Variants in SLC6A6 observed in about 807,000 individuals in gnomAD.
SLC6A6 encodes sodium- and chloride-dependent taurine transporter.
In SLC6A6, 16 loss-of-function variants were observed where a neutral mutation model predicts 68.8. That is an observed-to-expected ratio of 0.23 (90% CI 0.16 to 0.35). The LOEUF (loss-of-function observed/expected upper bound fraction) is 0.35, where lower values mean the gene tolerates loss of function less well. Ranked by LOEUF, SLC6A6 falls within the 10% of genes least tolerant of loss-of-function variation. SLC6A6 has a pLI of 1.00. For synonymous variants in SLC6A6, 312 were observed against 315.4 expected (o/e 0.99, Z 0.12); for missense variants, 474 against 802.8 (o/e 0.59, Z 4.95).
chr3:14,478,837 G>A (rs1224108827), intron 12 of SLC6A6: 1 of 591,664 alleles, frequency 1.7e-6, no homozygotes, highest in Non-Finnish European at 3.0e-6. Context: ...TGAGGCCTTG[G>A]GTTTGAGTTT....
chr3:14,445,684 CA>C, intron 3 of SLC6A6, 32 bp from the exon 4 acceptor site: 1 of 1,613,692 alleles, frequency 6.2e-7, no homozygotes. Flanking sequence ...GCCATGGCCA[CA>C]GCCTCACTTT....
chr3:14,415,806 C>T (rs946420632), intron 1 of SLC6A6, among the ~76,000 whole-genome samples: 2 of 152,122 alleles, frequency 1.3e-5, no homozygotes, highest in African/African-American at 2.4e-5. Context: ...CAGTGATTCT[C>T]GCCCCTGAAC....
intron 2 of SLC6A6, among the ~76,000 whole-genome samples, chr3:14,438,675 G>T (rs897511481): frequency 2.0e-4 from 31 of 152,214 alleles, no homozygotes; most frequent in Non-Finnish European, 3.2e-4. Context: ...CTGGCCCAGA[G>T]ATCCTTCTTA....
chr3:14,429,037 C>T (rs13081062), intron 2 of SLC6A6, among the ~76,000 whole-genome samples: 51,392 of 152,088 alleles, frequency 0.34, 8,843 homozygotes, highest in African/African-American at 0.42. Flanking sequence ...TCCCTCTGCA[C>T]CCCCCTACCC....
chr3:14,409,937 C>T (rs968137975), intron 1 of SLC6A6, among the ~76,000 whole-genome samples: 2 of 152,192 alleles, frequency 1.3e-5, no homozygotes, highest in African/African-American at 4.8e-5. Context: ...TCTGTAATCC[C>T]AGCACTTTGG....
intron 2 of SLC6A6, among the ~76,000 whole-genome samples, chr3:14,428,723 G>C (rs1699656167): frequency 6.6e-6 from 1 of 152,180 alleles, no homozygotes; most frequent in African/African-American, 2.4e-5. Context: ...CCACAGTCCA[G>C]AGCAGGGCAA....
chr3:14,437,560 G>T (rs1699885540), intron 2 of SLC6A6, among the ~76,000 whole-genome samples: 1 of 152,110 alleles, frequency 6.6e-6, no homozygotes, highest in South Asian at 2.1e-4. Flanking sequence ...AGAATGACTG[G>T]ATCAAGCCAA....
chr3:14,413,612 G>A (rs943239234), intron 1 of SLC6A6, among the ~76,000 whole-genome samples: 10 of 152,202 alleles, frequency 6.6e-5, no homozygotes, highest in Non-Finnish European at 1.0e-4. Context: ...GCAGGGCTCC[G>A]CATTCTGGGT....
chr3:14,434,960 A>G (rs889786833), intron 2 of SLC6A6, among the ~76,000 whole-genome samples: 3 of 152,214 alleles, frequency 2.0e-5, no homozygotes, highest in African/African-American at 7.2e-5. Context: ...TGTTTTTATG[A>G]GGGGAAGGTG....
chr3:14,420,847 G>T (rs1416240891), intron 2 of SLC6A6, among the ~76,000 whole-genome samples: 3 of 152,202 alleles, frequency 2.0e-5, no homozygotes, highest in Non-Finnish European at 4.4e-5. Flanking sequence ...CCTTGAAAGT[G>T]TACAATTCAG....
At position 14,413,705 on chromosome 3, in the gene SLC6A6, G is replaced by T. The variant is rs115480550; in HGVS notation, c.-53-2707G>T. Reference sequence around the variant, plus strand: ...CCTCTCTGGCTGTGTGCCTGGGGCCGGGGGTGGGGCTGGGGGAAGGGTCAG... The same window carrying T: ...CCTCTCTGGCTGTGTGCCTGGGGCCTGGGGTGGGGCTGGGGGAAGGGTCAG... On this transcript the variant is annotated intron_variant, in intron 1 of 14. Transcript: ENST00000622186. Among the ~76,000 whole-genome samples, 20 of 152,134 alleles carry T rather than the reference G, an allele frequency of 1.3e-4. No individual in the cohort carries two copies. In the East Asian group the frequency reaches 2.9e-3, roughly 22 times the overall value.
At chr3:14,475,198 AT>A (rs541924411) in intron 10 of SLC6A6, among the ~76,000 whole-genome samples, 425 of 145,260 alleles carry the variant, frequency 2.9e-3, no homozygotes, top group Middle Eastern at 0.014. Context: ...TACCTGGCTA[AT>A]TTTTTTTTTT....
At chr3:14,426,156 G>A (rs1242995083) in intron 2 of SLC6A6, among the ~76,000 whole-genome samples, 1 of 152,204 alleles carries the variant, frequency 6.6e-6, no homozygotes, top group African/African-American at 2.4e-5. Flanking sequence ...TTCCCCCTGT[G>A]TCAGGTTGAG....
intron 2 of SLC6A6, among the ~76,000 whole-genome samples, chr3:14,440,531 T>C (rs540759097): frequency 6.6e-6 from 1 of 152,030 alleles, no homozygotes; most frequent in Admixed American, 6.5e-5. Flanking sequence ...TGTTTTCTTC[T>C]AGGGGTGAGC....
At position 14,443,338 on chromosome 3, in the gene SLC6A6, T is replaced by C. The variant is rs113886345; in HGVS notation, c.-11-286T>C. ...AAGTGTGACACCCAGACGACAAACCTGGGGGCCTCTGGTGCTTCTCTTCAG... is the reference window on the plus strand; with the variant it reads ...AAGTGTGACACCCAGACGACAAACCCGGGGGCCTCTGGTGCTTCTCTTCAG... On this transcript the variant is annotated intron_variant, in intron 2 of 14. Coordinates refer to ENST00000622186, the MANE Select transcript of SLC6A6 (RefSeq NM_003043.6). Among the ~76,000 whole-genome samples, 709 of 152,236 alleles carry C rather than the reference T, an allele frequency of 4.7e-3. 5 individuals are homozygous for C. Among genetic ancestry groups the C allele is most frequent in the African/African-American group, 0.016 (663 of 41,550 alleles).
chr3:14,427,029 C>T (rs1464908373), intron 2 of SLC6A6, among the ~76,000 whole-genome samples: 1 of 148,702 alleles, frequency 6.7e-6, no homozygotes, highest in African/African-American at 2.6e-5. Flanking sequence ...TCCCAGCACC[C>T]TGCGCTGTGC....
intron 2 of SLC6A6, among the ~76,000 whole-genome samples, chr3:14,420,293 C>T (rs953138976): frequency 2.0e-5 from 3 of 152,226 alleles, no homozygotes; most frequent in East Asian, 3.9e-4. Context: ...ATTAGCTGTG[C>T]GTGATGGTGC....
chr3:14,409,953 C>T (rs946480736), intron 1 of SLC6A6, among the ~76,000 whole-genome samples: 83 of 152,232 alleles, frequency 5.5e-4, no homozygotes, highest in African/African-American at 1.9e-3. Context: ...TTTGGGAGGC[C>T]CAGGCGGGCG....
chr3:14,463,014 G>A (rs554911417), intron 6 of SLC6A6, among the ~76,000 whole-genome samples: 48 of 152,140 alleles, frequency 3.2e-4, no homozygotes, highest in Non-Finnish European at 5.3e-4. Flanking sequence ...AAAGCAGGCC[G>A]GTTTTGTGCG....
Sources: gnomAD v4.1 joint callset for allele counts (sites outside exome capture counted in the v4.1 genomes callset) on GRCh38, gnomAD v4.1.1 for gene constraint, MANE v1.5 for transcripts, NCBI Gene and HGNC (gene_info 2026-07-23, HGNC 2026-07-21) for gene names.